PLXNA4: variants seen among roughly 807,000 people sequenced by gnomAD.
The protein encoded by PLXNA4 is plexin A4, also known as plexin-A4.
PLXNA4 carries 44 observed loss-of-function variants against 191.8 expected under a neutral mutation model. The ratio of observed to expected loss-of-function variants is 0.23; its 90% CI spans 0.18 to 0.29. The LOEUF is 0.29. Among genes scored for constraint, PLXNA4 ranks in the 10% least tolerant of loss-of-function variants. The pLI is 1.00. For missense variants in PLXNA4, 1,800 were observed against 2,488.8 expected (o/e 0.72, Z 5.89); for synonymous variants, 1,082 against 1,009.5 (o/e 1.07, Z -1.36).
At chr7:132,558,578 A>G (rs558043484) in intron 1 of PLXNA4, among the ~76,000 whole-genome samples, 1 of 152,366 alleles carries the variant, frequency 6.6e-6, no homozygotes, top group Non-Finnish European at 1.5e-5. Flanking sequence ...TCCTGGGAGA[A>G]GGAACAAAGG....
chr7:132,596,678 T>C (rs1488964344), intron 2 of PLXNA4, among the ~76,000 whole-genome samples: 1 of 152,150 alleles, frequency 6.6e-6, no homozygotes, highest in East Asian at 1.9e-4. Flanking sequence ...GACCCCTAGG[T>C]TGGCTCCATG....
intron 3 of PLXNA4, among the ~76,000 whole-genome samples, chr7:132,303,476 G>A (rs1801392414): frequency 6.6e-6 from 1 of 152,060 alleles, no homozygotes; most frequent in African/African-American, 2.4e-5. Flanking sequence ...TGCTAAGGCA[G>A]GAGAATAGCT....
intron 3 of PLXNA4, among the ~76,000 whole-genome samples, chr7:132,304,212 C>T (rs751688018): frequency 3.3e-5 from 5 of 152,110 alleles, no homozygotes; most frequent in Admixed American, 6.5e-5. Flanking sequence ...TGATCATCTT[C>T]CTGCAGCATC....
chr7:132,354,236 A>G (rs1474037396), intron 3 of PLXNA4, among the ~76,000 whole-genome samples: 1 of 152,098 alleles, frequency 6.6e-6, no homozygotes. Flanking sequence ...TGTGCATATT[A>G]AGGGGTTTAA....
At chr7:132,488,790 G>A (rs187634534) in intron 3 of PLXNA4, among the ~76,000 whole-genome samples, 55 of 152,268 alleles carry the variant, frequency 3.6e-4, no homozygotes, top group Admixed American at 1.4e-3. Context: ...CATTGCACCC[G>A]TGGTTTTCTC....
chr7:132,394,035 A>G (rs1407545785), intron 3 of PLXNA4, among the ~76,000 whole-genome samples: 1 of 146,752 alleles, frequency 6.8e-6, no homozygotes, highest in African/African-American at 2.5e-5. Flanking sequence ...GACCTTCCCC[A>G]ATCCTCTGAC....
At chr7:132,419,899 G>C (rs866781987) in intron 3 of PLXNA4, among the ~76,000 whole-genome samples, 1 of 152,084 alleles carries the variant, frequency 6.6e-6, no homozygotes, top group East Asian at 1.9e-4. Context: ...CACTTTCATG[G>C]GCTATGACAT....
intron 3 of PLXNA4, among the ~76,000 whole-genome samples, chr7:132,371,813 T>C (rs1465646462): frequency 6.6e-6 from 1 of 151,878 alleles, no homozygotes; most frequent in African/African-American, 2.4e-5. Context: ...ATACACACAC[T>C]CACACACACA....
intron 3 of PLXNA4, among the ~76,000 whole-genome samples, chr7:132,317,763 A>G: frequency 6.6e-6 from 1 of 152,232 alleles, no homozygotes; most frequent in East Asian, 1.9e-4. Flanking sequence ...ATGGAGCAGC[A>G]CAAGCAAAAG....
Position 132,489,385 on chromosome 7 carries a change from C to G in PLXNA4, c.1278G>C (p.Thr426=), listed in dbSNP as rs763452302. 4.4e-6 allele frequency: 7 copies of G among 1,606,648 alleles called. No individual in the cohort carries two copies. Among genetic ancestry groups the G allele is most frequent in the Non-Finnish European group, 6.0e-6 (7 of 1,173,726 alleles). The change falls in exon 3 of 32, where the codon ACG becomes ACC. Residue 426 remains threonine, a synonymous_variant. Transcript: ENST00000321063. Reference sequence around the variant, plus strand: ...CAGACGTCATGCGGTCCCTGTCCTCCGTGAAGACGGGAATTCCACGCACCA... The same window carrying G: ...CAGACGTCATGCGGTCCCTGTCCTCGGTGAAGACGGGAATTCCACGCACCA... ...SDMVRGIPVF[T]EDRDRMTSVI...
intron 3 of PLXNA4, among the ~76,000 whole-genome samples, chr7:132,466,138 A>G (rs543922747): frequency 5.0e-4 from 76 of 152,276 alleles, no homozygotes; most frequent in South Asian, 8.3e-4. Context: ...GTCATCTATC[A>G]TTGCTTGGCT....
chr7:132,240,234 G>A (rs773061132), intron 5 of PLXNA4, among the ~76,000 whole-genome samples: 57 of 152,220 alleles, frequency 3.7e-4, no homozygotes, highest in Non-Finnish European at 7.3e-4. Context: ...AATTTCATCA[G>A]AGTGAGGTCC....
chr7:132,622,910 T>C (rs1474584925), intron 2 of PLXNA4, among the ~76,000 whole-genome samples: 2 of 152,218 alleles, frequency 1.3e-5, no homozygotes, highest in Admixed American at 6.5e-5. Context: ...GGTAGAGTCA[T>C]GCCCAGCATT....
intron 22 of PLXNA4, among the ~76,000 whole-genome samples, chr7:132,166,411 A>G (rs1796126200): frequency 6.8e-6 from 1 of 146,796 alleles, no homozygotes; most frequent in Non-Finnish European, 1.5e-5. Context: ...CAGCCCAAGG[A>G]CATTTTCAGT....
chr7:132,261,142 C>A (rs771900575), intron 4 of PLXNA4, among the ~76,000 whole-genome samples: 1 of 152,182 alleles, frequency 6.6e-6, no homozygotes, highest in Non-Finnish European at 1.5e-5. Flanking sequence ...TGCTCTCACA[C>A]GGCCAAATCT....
intron 16 of PLXNA4, among the ~76,000 whole-genome samples, chr7:132,183,574 C>G (rs1796781324): frequency 6.6e-6 from 1 of 152,222 alleles, no homozygotes; most frequent in African/African-American, 2.4e-5. Flanking sequence ...GAGGATGACA[C>G]AAAGAAGAAC....
intron 5 of PLXNA4, among the ~76,000 whole-genome samples, chr7:132,240,705 G>C (rs1195525839): frequency 6.6e-6 from 1 of 152,170 alleles, no homozygotes; most frequent in African/African-American, 2.4e-5. Context: ...CTTTTTCCTG[G>C]TGTTCAGTCC....
chr7:132,205,735 T>G (rs936617266), intron 10 of PLXNA4, among the ~76,000 whole-genome samples: 2 of 152,172 alleles, frequency 1.3e-5, no homozygotes, highest in African/African-American at 2.4e-5. Context: ...TGGGGCAGGC[T>G]GAGCTCTGAC....
chr7:132,512,738 G>T (rs933321479), intron 1 of PLXNA4, among the ~76,000 whole-genome samples: 9 of 152,292 alleles, frequency 5.9e-5, no homozygotes, highest in Middle Eastern at 3.4e-3. Context: ...GTCTAAGGCT[G>T]CTCCAATCTG....
Sources: allele counts gnomAD v4.1 joint callset (sites outside exome capture counted in the v4.1 genomes callset), GRCh38; gene constraint gnomAD v4.1.1; transcripts MANE v1.5; gene names NCBI Gene and HGNC (gene_info 2026-07-23, HGNC 2026-07-21).